The following CNTNAP5 variants were observed in gnomAD, a reference collection of about 807,000 sequenced individuals.
The protein encoded by CNTNAP5 is contactin associated protein family member 5, also known as contactin-associated protein-like 5.
CNTNAP5 carries 72 observed loss-of-function variants against 150.2 expected under a neutral mutation model. The ratio of observed to expected loss-of-function variants is 0.48; its 90% CI spans 0.40 to 0.58. The LOEUF is 0.58. CNTNAP5 is among the 20% of genes least tolerant of loss of function. The pLI, the probability that CNTNAP5 is intolerant of heterozygous loss-of-function variation, is 0.00. For missense variants in CNTNAP5, 1,636 were observed against 1,626.2 expected, an observed-to-expected ratio of 1.01 and a Z score of -0.10; for synonymous variants, 672 against 619.8, an observed-to-expected ratio of 1.08 and a Z score of -1.25.
At chr2:124,439,408 G>T (rs1692619767) in intron 5 of CNTNAP5, among the ~76,000 whole-genome samples, 2 of 152,118 alleles carry the variant, frequency 1.3e-5, no homozygotes, top group Non-Finnish European at 2.9e-5. Flanking sequence ...TTTTAGCTTG[G>T]TTATATTAAT....
intron 3 of CNTNAP5, among the ~76,000 whole-genome samples, chr2:124,260,933 G>T (rs554335533): frequency 8.5e-5 from 13 of 152,150 alleles, no homozygotes; most frequent in African/African-American, 3.1e-4. Context: ...AAAAATGACT[G>T]TATTTACCAA....
chr2:124,663,169 C>G (rs1504015), intron 13 of CNTNAP5, among the ~76,000 whole-genome samples: 84,166 of 152,030 alleles, frequency 0.55, 23,884 homozygotes, highest in Non-Finnish European at 0.62. Context: ...GATTACACAC[C>G]AATCTAGTAA....
intron 3 of CNTNAP5, among the ~76,000 whole-genome samples, chr2:124,291,154 T>C (rs993077449): frequency 6.6e-6 from 1 of 152,068 alleles, no homozygotes; most frequent in Non-Finnish European, 1.5e-5. Flanking sequence ...ATAATTTGAT[T>C]TGCGTATATA....
intron 11 of CNTNAP5, among the ~76,000 whole-genome samples, chr2:124,588,996 A>G (rs1365537531): frequency 1.3e-5 from 2 of 152,094 alleles, no homozygotes; most frequent in Non-Finnish European, 2.9e-5. Context: ...CCTACAACAT[A>G]ACATCCCATC....
intron 5 of CNTNAP5, among the ~76,000 whole-genome samples, chr2:124,444,097 G>A (rs1468754603): frequency 6.6e-6 from 1 of 151,924 alleles, no homozygotes; most frequent in Non-Finnish European, 1.5e-5. Context: ...TGTGTGGGGT[G>A]GCGGTGGTGG....
chr2:124,611,432 T>C (rs1215708294), intron 12 of CNTNAP5, among the ~76,000 whole-genome samples: 1 of 152,216 alleles, frequency 6.6e-6, no homozygotes, highest in Non-Finnish European at 1.5e-5. Flanking sequence ...AATAACTTTC[T>C]TTATCTCTCC....
intron 2 of CNTNAP5, among the ~76,000 whole-genome samples, chr2:124,229,745 G>T (rs192904816): frequency 6.6e-6 from 1 of 152,210 alleles, no homozygotes; most frequent in African/African-American, 2.4e-5. Flanking sequence ...GCAGGGGTTG[G>T]TGGTATATAG....
Position 124,917,421 on chromosome 2 carries a change from A to T in CNTNAP5, c.*3133A>T, listed in dbSNP as rs574097397. ...ATCATTTATTGCATATATAGCCTCAATTGCCATCTTTATGAAAATTTGTCT... is the reference window on the plus strand; with the variant it reads ...ATCATTTATTGCATATATAGCCTCATTTGCCATCTTTATGAAAATTTGTCT... On this transcript the variant is annotated 3_prime_UTR_variant, in exon 24 of 24. Transcript: ENST00000682447. Among the ~76,000 whole-genome samples the T allele has an allele frequency of 6.6e-6, 1 of 152,100 alleles. No individual in the cohort carries two copies. Among genetic ancestry groups the T allele is most frequent in the Non-Finnish European group, 1.5e-5 (1 of 68,004 alleles).
chr2:124,062,426 A>G (rs918644612), intron 1 of CNTNAP5, among the ~76,000 whole-genome samples: 3 of 152,172 alleles, frequency 2.0e-5, no homozygotes, highest in Admixed American at 2.0e-4. Context: ...TCCTTGAGGA[A>G]GTTGCCTCTG....
intron 2 of CNTNAP5, among the ~76,000 whole-genome samples, chr2:124,234,401 C>T (rs746034756): frequency 9.9e-5 from 15 of 152,210 alleles, no homozygotes; most frequent in Non-Finnish European, 1.3e-4. Context: ...ACTAGCAACA[C>T]GGCTACTAAG....
chr2:124,349,874 CTTTTTTTTTT>C (rs70996061), intron 3 of CNTNAP5, among the ~76,000 whole-genome samples: 30,275 of 82,210 alleles, frequency 0.37, 4,021 homozygotes, highest in Middle Eastern at 0.55. Context: ...CTGGCTATTT[CTTTTTTTTTT>C]TTTTTTTTTT....
chr2:124,579,463 T>C (rs2421091), intron 11 of CNTNAP5, among the ~76,000 whole-genome samples: 55,872 of 152,034 alleles, frequency 0.37, 10,410 homozygotes, highest in South Asian at 0.49. Context: ...GATTCAGTTG[T>C]AGGAGATTAA....
At chr2:124,912,500 G>C (rs553062199) in intron 23 of CNTNAP5, among the ~76,000 whole-genome samples, 18 of 152,084 alleles carry the variant, frequency 1.2e-4, no homozygotes, top group African/African-American at 4.3e-4. Context: ...AATGGCTATG[G>C]GAGCACAGAG....
At chr2:124,774,590 C>A (rs540160490) in intron 17 of CNTNAP5, among the ~76,000 whole-genome samples, 41 of 152,182 alleles carry the variant, frequency 2.7e-4, no homozygotes, top group Non-Finnish European at 4.9e-4. Flanking sequence ...TGTTTTAATT[C>A]TATTTAAACA....
intron 3 of CNTNAP5, among the ~76,000 whole-genome samples, chr2:124,336,049 T>TA (rs562107713): frequency 0.041 from 6,031 of 148,504 alleles, 191 homozygotes; most frequent in Non-Finnish European, 0.049. Flanking sequence ...ATGAGGGAGA[T>TA]AAAAAAAAAA....
intron 3 of CNTNAP5, among the ~76,000 whole-genome samples, chr2:124,327,365 C>G (rs907638542): frequency 6.6e-6 from 1 of 152,082 alleles, no homozygotes; most frequent in African/African-American, 2.4e-5. Context: ...AATTCTAACC[C>G]TCTCCCCCTA....
At chr2:124,567,866 T>TAG (rs560268216) in intron 11 of CNTNAP5, among the ~76,000 whole-genome samples, 20 of 138,534 alleles carry the variant, frequency 1.4e-4, no homozygotes, top group Admixed American at 9.8e-4. Flanking sequence ...GATAGATAGA[T>TAG]AGATAGATAG....
Position 124,496,521 on chromosome 2 carries a change from T to C in CNTNAP5, c.1063-7771T>C, listed in dbSNP as rs80006708. 4.9e-3 allele frequency among the ~76,000 whole-genome samples: 744 copies of C among 152,268 alleles called. 7 individuals carry two copies. Among genetic ancestry groups the C allele is most frequent in the African/African-American group, 0.017 (700 of 41,566 alleles). On this transcript the variant is annotated intron_variant, in intron 7 of 23. Coordinates refer to ENST00000682447, the MANE Select transcript of CNTNAP5 (RefSeq NM_001367498.1). Reference sequence around the variant, plus strand: ...TCACCAGGGTGTTGTGGCGTCTAGATGATGATTAAAAACAAAACAAACACC... The same window carrying C: ...TCACCAGGGTGTTGTGGCGTCTAGACGATGATTAAAAACAAAACAAACACC...
intron 3 of CNTNAP5, among the ~76,000 whole-genome samples, chr2:124,247,085 C>T (rs1573864771): frequency 1.3e-5 from 2 of 152,220 alleles, no homozygotes; most frequent in South Asian, 2.1e-4. Context: ...ATCAGTTCCC[C>T]GATTTCATCC....
Sources: allele counts gnomAD v4.1 joint callset (sites outside exome capture counted in the v4.1 genomes callset), GRCh38; gene constraint gnomAD v4.1.1; transcripts MANE v1.5; gene names NCBI Gene and HGNC (gene_info 2026-07-23, HGNC 2026-07-21).